Variants in RADIL observed in about 807,000 individuals in gnomAD.
The protein encoded by RADIL is ras-associating and dilute domain-containing protein.
RADIL carries 99 observed loss-of-function variants against 97.6 expected under a neutral mutation model. The ratio of observed to expected loss-of-function variants is 1.01; its 90% CI spans 0.86 to 1.20. The LOEUF is 1.20. Ranked by LOEUF, RADIL falls within the 50% of genes most tolerant of loss-of-function variation. The probability of loss-of-function intolerance (pLI) is 0.00; values close to 1 mark genes in which losing one functional copy is unlikely to be tolerated. For missense variants in RADIL, 1,765 were observed against 1,498.9 expected, an observed-to-expected ratio of 1.18 and a Z score of -2.93; for synonymous variants, 803 against 691.8, an observed-to-expected ratio of 1.16 and a Z score of -2.52.
In RADIL at chr7:4,818,637, G is replaced by A. The variant is rs1019668156; in HGVS notation, c.1616-1286C>T. 5.9e-5 allele frequency among the ~76,000 whole-genome samples: 9 copies of A among 152,172 alleles called. No homozygotes were observed. Among genetic ancestry groups the A allele is most frequent in the East Asian group, 1.9e-4 (1 of 5,174 alleles). On this transcript the variant is annotated intron_variant, in intron 6 of 14. Coordinates refer to ENST00000399583, the MANE Select transcript of RADIL (RefSeq NM_018059.5). This position sits in a 1 kb window ranked among gnomAD's most constrained non-coding sequence, Gnocchi z 7.1. ...GAGACACACAAGGTGGCCCGACGGCGCCCACAGCGAGTGCCGGCAAAGGAT... is the reference window on the plus strand; with the variant it reads ...GAGACACACAAGGTGGCCCGACGGCACCCACAGCGAGTGCCGGCAAAGGAT...
intron 13 of RADIL, 21 bp downstream of exon 13, chr7:4,800,150 C>T (rs3816855): frequency 0.078 from 124,297 of 1,593,820 alleles, 9,330 homozygotes; most frequent in African/African-American, 0.38. Flanking sequence ...GGGGGTGCGG[C>T]GAGGGTCCTG....
intron 5 of RADIL, among the ~76,000 whole-genome samples, chr7:4,826,655 C>T (rs1387750490): frequency 6.6e-6 from 1 of 151,494 alleles, no homozygotes; most frequent in Non-Finnish European, 1.5e-5. Context: ...ATCGCTTGAA[C>T]CCAGGAGGCG....
In RADIL at chr7:4,819,875, G is replaced by A. The variant is rs1365477492; in HGVS notation, c.1615+2519C>T. ...CATCGCCGGGCCAAACACTGCTCAG[G>A]CCCCTGACCAAAAATAACTTCCTCC... On this transcript the variant is annotated intron_variant, in intron 6 of 14. Coordinates refer to ENST00000399583, the MANE Select transcript of RADIL (RefSeq NM_018059.5). This position sits in a 1 kb window ranked among gnomAD's most constrained non-coding sequence, Gnocchi z 5.8. 2.0e-5 allele frequency among the ~76,000 whole-genome samples: 3 copies of A among 152,158 alleles called. No individual in the cohort carries two copies. The East Asian group carries it at 5.8e-4, about 29-fold the overall frequency.
intron 2 of RADIL, among the ~76,000 whole-genome samples, chr7:4,844,425 CAG>C (rs1335472366): frequency 2.6e-5 from 4 of 151,766 alleles, no homozygotes; most frequent in African/African-American, 9.7e-5. Flanking sequence ...AGCCTGGCAA[CAG>C]AGTGAGACTC....
In RADIL at chr7:4,837,859, C is replaced by G. The variant is rs1783342601; in HGVS notation, c.536-1254G>C. On this transcript the variant is annotated intron_variant, in intron 2 of 14. Transcript: ENST00000399583. This position sits in a 1 kb window ranked among gnomAD's most constrained non-coding sequence, Gnocchi z 5.6. ...CCCAGCTGACCCGGCGCTGTCTTTT[C>G]TGAGCCCTCTGCTGAGTTCCCTGTA... is the stretch of plus-strand genomic sequence containing the variant. The G allele has an allele frequency of 1.0e-6, 1 of 985,334 alleles. No individual in the cohort carries two copies. The highest frequency in any genetic ancestry group is 1.7e-5 in the African/African-American group (1 of 57,252). 61.0% of individuals were successfully genotyped at this position (985,334 alleles called of 1,614,324 possible). A position where few individuals can be genotyped will look rare whatever the true frequency, so the allele number is the denominator to read the frequency against.
chr7:4,806,713 C>T (rs1034373374), intron 9 of RADIL, among the ~76,000 whole-genome samples: 1 of 152,196 alleles, frequency 6.6e-6, no homozygotes, highest in African/African-American at 2.4e-5. Context: ...CCAAAAGGGG[C>T]GCATTGCAGG....
chr7:4,856,253 G>A lies in RADIL; in HGVS notation c.536-19648C>T, dbSNP rs867020977. 3.3e-5 allele frequency among the ~76,000 whole-genome samples: 5 copies of A among 152,072 alleles called. No homozygotes were observed. The South Asian group carries it at 8.3e-4, about 25-fold the overall frequency. ...TGACAGGTACATGCTGGGACTACAG[G>A]TACATGCCACCACACCCAGCTAATT... On this transcript the variant is annotated intron_variant, in intron 2 of 14. Transcript: ENST00000399583.
chr7:4,829,667 T>C (rs1388220020), intron 5 of RADIL, among the ~76,000 whole-genome samples: 1 of 151,978 alleles, frequency 6.6e-6, no homozygotes, highest in African/African-American at 2.4e-5. Flanking sequence ...GGTAACTGAG[T>C]CATGGGGGCG....
At position 4,849,906 on chromosome 7, in the gene RADIL, G is replaced by A. The variant is rs1783666381; in HGVS notation, c.536-13301C>T. 6.6e-6 allele frequency among the ~76,000 whole-genome samples: 1 copy of A among 152,072 alleles called. No individual in the cohort carries two copies. Among genetic ancestry groups the A allele is most frequent in the Non-Finnish European group, 1.5e-5 (1 of 68,010 alleles). Reference sequence around the variant, plus strand: ...GAAAGTATTATGTCCTAGTTTAATTGTATTTTTTATGGTGGTTAACACTGG... The same window carrying A: ...GAAAGTATTATGTCCTAGTTTAATTATATTTTTTATGGTGGTTAACACTGG... On this transcript the variant is annotated intron_variant, in intron 2 of 14. Transcript: ENST00000399583. The surrounding 1 kb of genome is among the most constrained non-coding windows in gnomAD (Gnocchi z 5.4).
At position 4,813,219 on chromosome 7, in the gene RADIL, T is replaced by G. The variant is rs1366037512; in HGVS notation, c.2139+2059A>C. On this transcript the variant is annotated intron_variant, in intron 9 of 14. Coordinates refer to ENST00000399583, the MANE Select transcript of RADIL (RefSeq NM_018059.5). This position sits in a 1 kb window ranked among gnomAD's most constrained non-coding sequence, Gnocchi z 5.0. Reference sequence around the variant, plus strand: ...GCGTTTAATTCCTGGACTCAAATGATCCTCCTACCTCAACCTCCCAAGTAG... The same window carrying G: ...GCGTTTAATTCCTGGACTCAAATGAGCCTCCTACCTCAACCTCCCAAGTAG... Among the ~76,000 whole-genome samples, 2 of 151,946 alleles carry G rather than the reference T, an allele frequency of 1.3e-5. No individual in the cohort carries two copies. Among genetic ancestry groups the G allele is most frequent in the Non-Finnish European group, 2.9e-5 (2 of 67,992 alleles).
chr7:4,823,130 T>A (rs1270260848), intron 5 of RADIL, among the ~76,000 whole-genome samples: 1 of 152,026 alleles, frequency 6.6e-6, no homozygotes, highest in East Asian at 1.9e-4. Flanking sequence ...AGGCAAAGCA[T>A]GAGATTTGAA....
At chr7:4,828,593 T>G (rs1783058549) in intron 5 of RADIL, among the ~76,000 whole-genome samples, 1 of 152,202 alleles carries the variant, frequency 6.6e-6, no homozygotes, top group Non-Finnish European at 1.5e-5. Context: ...ACACAAAGAT[T>G]TGAGGCAAAC....
intron 11 of RADIL, among the ~76,000 whole-genome samples, chr7:4,802,653 C>A (rs1207982368): frequency 1.7e-5 from 2 of 118,642 alleles, no homozygotes; most frequent in Non-Finnish European, 3.6e-5. Context: ...CACCTCGGGG[C>A]ACTCTGGCTG....
intron 2 of RADIL, among the ~76,000 whole-genome samples, chr7:4,845,356 T>C (rs1783542352): frequency 6.6e-6 from 1 of 152,174 alleles, no homozygotes; most frequent in East Asian, 1.9e-4. Context: ...AGATGGAGGC[T>C]GCAGTGAGCT....
At chr7:4,868,534 C>G (rs749371597) in intron 2 of RADIL, among the ~76,000 whole-genome samples, 4 of 152,220 alleles carry the variant, frequency 2.6e-5, no homozygotes, top group Admixed American at 6.5e-5. Flanking sequence ...ATCAGTGAAG[C>G]TAGCCTCCCC....
rs181502894 is a variant in RADIL, at chr7:4,800,262, C to T, written c.2891G>A (p.Arg964His). The T allele has an allele frequency of 7.3e-4, 1,132 of 1,548,914 alleles. 6 individuals carry two copies. The African/African-American group carries it at 0.012, about 17-fold the overall frequency. Residue 964 changes from arginine to histidine, a missense_variant, in exon 13 of 15, where the codon CGC (arginine) becomes CAC (histidine). Transcript: ENST00000399583. Reference sequence around the variant, plus strand: ...GCAGAAGTCCTCGGTGCTGGAGCTGCGGCTGGACGGGGCTGGAGGGGACTC... The same window carrying T: ...GCAGAAGTCCTCGGTGCTGGAGCTGTGGCTGGACGGGGCTGGAGGGGACTC... ...AEESPPAPSS[R>H]SSSTEDFCYV...
chr7:4,827,533 C>T (rs558040074), intron 5 of RADIL, among the ~76,000 whole-genome samples: 229 of 151,842 alleles, frequency 1.5e-3, no homozygotes, highest in African/African-American at 1.3e-3. Flanking sequence ...TGGTTGCAGG[C>T]GCCTGTAGTC....
At chr7:4,860,775 G>T in intron 2 of RADIL, 1 of 1,614,172 alleles carries the variant, frequency 6.2e-7, no homozygotes, top group Non-Finnish European at 8.5e-7. Flanking sequence ...GTGATAGCAA[G>T]CCCCTGTTTA....
chr7:4,831,706 C>A (rs1783144466), intron 5 of RADIL, among the ~76,000 whole-genome samples: 1 of 148,290 alleles, frequency 6.7e-6, no homozygotes, highest in Non-Finnish European at 1.5e-5. Context: ...ATCGTGAAAC[C>A]CCATCTCTAC....
Sources: allele counts gnomAD v4.1 joint callset (sites outside exome capture counted in the v4.1 genomes callset), GRCh38; gene constraint gnomAD v4.1.1; non-coding constraint Gnocchi (gnomAD v3.1); transcripts MANE v1.5; gene names NCBI Gene and HGNC (gene_info 2026-07-23, HGNC 2026-07-21).